Variants in ALYREF observed in about 807,000 individuals in gnomAD.
ALYREF encodes Aly/REF export factor.
ALYREF carries 1 observed loss-of-function variant against 25.2 expected under a neutral mutation model. The ratio of observed to expected loss-of-function variants is 0.04; its 90% CI spans 0.01 to 0.19. The LOEUF (loss-of-function observed/expected upper bound fraction) is 0.19, where lower values mean the gene tolerates loss of function less well. ALYREF is among the 10% of genes least tolerant of loss of function. The pLI is 1.00. For missense variants in ALYREF, 328 were observed against 375.6 expected (o/e 0.87, Z 1.05); for synonymous variants, 193 against 153.5 (o/e 1.26, Z -1.90).
chr17:81,891,465 G>A lies in ALYREF; in HGVS notation c.116C>T (p.Ala39Val), dbSNP rs951444306. The A allele has an allele frequency of 2.1e-5, 23 of 1,106,632 alleles. No homozygotes were observed. In the African/African-American group the frequency reaches 3.2e-4, roughly 16 times the overall value. The allele number at this position is 1,106,632 out of a possible 1,614,324, so 68.6% of individuals were successfully genotyped here. A position where few individuals can be genotyped will look rare whatever the true frequency, so the allele number is the denominator to read the frequency against. ...GRGGGRGRGR[A>V]GSQGGRGGGA... is the part of the protein sequence containing the mutation. ...ACCGCCGCGGCCGCCCTGGGAGCCG[G>A]CCCGGCCGCGGCCCCGGCCCCCGCC... Residue 39 changes from alanine to valine, a missense_variant, in exon 1 of 6, where the codon GCC becomes GTC. By Grantham distance (64) the Ala-to-Val change is moderately conservative (BLOSUM62 0). Around this residue, in one of 3 missense-constraint regions of ALYREF, gnomAD observed 150 missense variants for 135.3 expected, o/e 1.11. Transcript: ENST00000505490.
chr17:81,889,067 G>A, intron 3 of ALYREF, 115 bp downstream of exon 3: 1 of 1,489,278 alleles, frequency 6.7e-7, no homozygotes, highest in Non-Finnish European at 9.0e-7. Context: ...GAGAGACAAA[G>A]GGGCAAATGC....
chr17:81,891,310 C>T lies in ALYREF; in HGVS notation c.258+13G>A, dbSNP rs1266249916. ...CCCTCCCACTCTCCGGCGCGGCCGG[C>T]CTCCGCACTCACCCTGCTGTAGGGC... On this transcript the variant is annotated intron_variant, in intron 1 of 5. Coordinates refer to ENST00000505490, the MANE Select transcript of ALYREF (RefSeq NM_005782.4). The T allele has an allele frequency of 6.1e-6, 7 of 1,150,034 alleles. No individual in the cohort carries two copies. The highest frequency in any genetic ancestry group is 7.5e-6 in the Non-Finnish European group (7 of 937,724). 71.2% of individuals were successfully genotyped at this position (1,150,034 alleles called of 1,614,324 possible). A position where few individuals can be genotyped will look rare whatever the true frequency, so the allele number is the denominator to read the frequency against.
intron 1 of ALYREF, 38 bp downstream of exon 1, chr17:81,891,285 C>A: frequency 8.9e-7 from 1 of 1,118,760 alleles, no homozygotes; most frequent in South Asian, 3.9e-5. Context: ...CCGGCTGGCC[C>A]CCTCCCACTC....
Position 81,888,601 on chromosome 17 carries a change from A to G in ALYREF, c.539-18T>C, listed in dbSNP as rs2039462824. 6.3e-7 allele frequency: 1 copy of G among 1,581,978 alleles called. No individual in the cohort carries two copies. Among genetic ancestry groups the G allele is most frequent in the African/African-American group, 1.3e-5 (1 of 74,592 alleles). On this transcript the variant is annotated intron_variant, in intron 3 of 5. Transcript: ENST00000505490. This position sits in a 1 kb window ranked among gnomAD's most constrained non-coding sequence, Gnocchi z 5.8. ...GGGGCGGCCTGCGGCAAAGAATACG[A>G]GAAGGCACGTTCTATTGAGAGGCTC...
In ALYREF at chr17:81,888,268, A is replaced by G. The variant is rs768972249; in HGVS notation, c.753T>C (p.Asp251=). ...TCGCATTATAGGCGTCCAGCTGGGCATCCAGCTCCTCTGCCGAAAGCTGCT... is the reference window on the plus strand; with the variant it reads ...TCGCATTATAGGCGTCCAGCTGGGCGTCCAGCTCCTCTGCCGAAAGCTGCT... ...SKQQLSAEEL[D]AQLDAYNARM... is the part of the protein sequence containing the mutation. The change falls in exon 5 of 6, where the codon GAT becomes GAC. Residue 251 remains aspartate (D), a synonymous_variant. Transcript: ENST00000505490. The surrounding 1 kb of genome is among the most constrained non-coding windows in gnomAD (Gnocchi z 5.8). The G allele has an allele frequency of 1.4e-5, 22 of 1,610,344 alleles. 1 individual carries two copies. In the Admixed American group the frequency reaches 1.5e-4, roughly 11 times the overall value.
At chr17:81,891,285 C>T in intron 1 of ALYREF, 38 bp downstream of exon 1, 3 of 1,118,762 alleles carry the variant, frequency 2.7e-6, no homozygotes, top group Non-Finnish European at 3.3e-6. Context: ...CCGGCTGGCC[C>T]CCTCCCACTC....
In ALYREF at chr17:81,888,609, C is replaced by T. The variant is rs373472094; in HGVS notation, c.539-26G>A. 19 of 1,575,472 alleles carry T rather than the reference C, an allele frequency of 1.2e-5. No homozygotes were observed. The highest frequency in any genetic ancestry group is 2.3e-5 in the South Asian group (2 of 86,548). On this transcript the variant is annotated intron_variant, in intron 3 of 5. Coordinates refer to ENST00000505490, the MANE Select transcript of ALYREF (RefSeq NM_005782.4). The surrounding 1 kb of genome is among the most constrained non-coding windows in gnomAD (Gnocchi z 5.8). ...CTGCGGCAAAGAATACGAGAAGGCACGTTCTATTGAGAGGCTCTGAAACCC... is the reference window on the plus strand; with the variant it reads ...CTGCGGCAAAGAATACGAGAAGGCATGTTCTATTGAGAGGCTCTGAAACCC...
At position 81,891,328 on chromosome 17, in the gene ALYREF, T is replaced by C; in HGVS notation, c.253A>G (p.Ser85Gly). The change falls in exon 1 of 6, where the codon AGC (serine) becomes GGC (glycine). Residue 85 changes from serine to glycine, a missense_variant. This residue lies in a region of ALYREF where 150 missense variants were observed against 135.3 expected (regional missense o/e 1.11). Coordinates refer to ENST00000505490, the MANE Select transcript of ALYREF (RefSeq NM_005782.4). The part of the protein sequence containing the change: ...GGGRNRPAPY[S>G]RPKQLPDKWQ... ...CGGCCGGCCTCCGCACTCACCCTGC[T>C]GTAGGGCGCCGGTCGGTTCCTGCCG... 1 of 1,155,636 alleles carries C rather than the reference T, an allele frequency of 8.7e-7. No homozygotes were observed. The allele number at this position is 1,155,636 out of a possible 1,614,324, so 71.6% of individuals were successfully genotyped here.
At chr17:81,890,883 C>G in intron 1 of ALYREF, 63 bp from the exon 2 acceptor site, 4 of 1,609,410 alleles carry the variant, frequency 2.5e-6, no homozygotes, top group Non-Finnish European at 3.4e-6. Context: ...TCCTGACCCT[C>G]ACGGCTACTC....
chr17:81,889,204 C>T lies in ALYREF; in HGVS notation c.516G>A (p.Gln172=), dbSNP rs375299819. The T allele has an allele frequency of 3.1e-6, 5 of 1,614,122 alleles. No individual in the cohort carries two copies. In the African/African-American group the frequency reaches 5.3e-5, roughly 17 times the overall value. ...RKADALKAMK[Q]YNGVPLDGRP... is the part of the protein sequence containing the mutation. ...CACCATCCAGAGGGACGCCGTTGTA[C>T]TGCTTCATGGCCTTCAGGGCATCTG... Residue 172 remains glutamine, a synonymous_variant, in exon 3 of 6, where the codon CAG becomes CAA. Coordinates refer to ENST00000505490, the MANE Select transcript of ALYREF (RefSeq NM_005782.4).
At chr17:81,891,130 G>C (rs1212830199) in intron 1 of ALYREF, 193 bp downstream of exon 1, 3 of 609,684 alleles carry the variant, frequency 4.9e-6, no homozygotes, top group Admixed American at 4.0e-5. Context: ...CAGCCTCCGG[G>C]ACCGGACCCC....
At chr17:81,890,284 C>T (rs2039493071) in intron 2 of ALYREF, among the ~76,000 whole-genome samples, 1 of 152,170 alleles carries the variant, frequency 6.6e-6, no homozygotes, top group Non-Finnish European at 1.5e-5. Context: ...GCCAGAAAAA[C>T]AGACTCCCTG....
intron 1 of ALYREF, 195 bp from the exon 2 acceptor site, chr17:81,891,015 G>T (rs2039513184): frequency 2.4e-6 from 2 of 837,098 alleles, no homozygotes; most frequent in African/African-American, 1.7e-5. Flanking sequence ...CACAACTTCA[G>T]TTCCCTTAGA....
chr17:81,888,947 G>A lies in ALYREF; in HGVS notation c.538+235C>T, dbSNP rs1006644382. The A allele has an allele frequency of 7.1e-7, 1 of 1,415,048 alleles. No homozygotes were observed. The highest frequency in any genetic ancestry group is 9.2e-7 in the Non-Finnish European group (1 of 1,086,930). 87.7% of individuals were successfully genotyped at this position (1,415,048 alleles called of 1,614,324 possible). A position where few individuals can be genotyped will look rare whatever the true frequency, so the allele number is the denominator to read the frequency against. On this transcript the variant is annotated intron_variant, in intron 3 of 5. Transcript: ENST00000505490. The surrounding 1 kb of genome is among the most constrained non-coding windows in gnomAD (Gnocchi z 5.8). ...GGTTCTGAGAAGGCTTCACAGAAGT[G>A]AATCTTCCGGAAGGAGCTGAAGGAG... is the stretch of plus-strand genomic sequence containing the variant.
chr17:81,888,749 G>A lies in ALYREF; in HGVS notation c.539-166C>T, dbSNP rs1214992568. The A allele has an allele frequency of 1.4e-6, 2 of 1,455,828 alleles. No individual in the cohort carries two copies. Among genetic ancestry groups the A allele is most frequent in the African/African-American group, 2.8e-5 (2 of 70,524 alleles). The allele number at this position is 1,455,828 out of a possible 1,614,324, so 90.2% of individuals were successfully genotyped here. On this transcript the variant is annotated intron_variant, in intron 3 of 5. Transcript: ENST00000505490. The surrounding 1 kb of genome is among the most constrained non-coding windows in gnomAD (Gnocchi z 5.8). The stretch of plus-strand genomic sequence containing the variant: ...GAGATACTGGTGGGAGAACAAAATG[G>A]CAAGGAAGCAACCCCACCAACACCT...
At chr17:81,889,460 G>T in intron 2 of ALYREF, 131 bp from the exon 3 acceptor site, 1 of 1,049,190 alleles carries the variant, frequency 9.5e-7, no homozygotes, top group Non-Finnish European at 1.4e-6. Context: ...TGGTTAACGG[G>T]AAATGAGGGA....
In ALYREF at chr17:81,891,342, C is replaced by A; in HGVS notation, c.239G>T (p.Arg80Leu). 1 of 1,153,474 alleles carries A rather than the reference C, an allele frequency of 8.7e-7. No individual in the cohort carries two copies. The allele number at this position is 1,153,474 out of a possible 1,614,324, so 71.5% of individuals were successfully genotyped here. The change falls in exon 1 of 6, where the codon CGA becomes CTA. Residue 80 changes from arginine (R) to leucine (L), a missense_variant. Transcript: ENST00000505490. ...RGAAGGGGRN[R>L]PAPYSRPKQL... The stretch of plus-strand genomic sequence containing the variant: ...ACTCACCCTGCTGTAGGGCGCCGGT[C>A]GGTTCCTGCCGCCTCCGCCGGCCGC...
At chr17:81,889,045 G>A in intron 3 of ALYREF, 137 bp downstream of exon 3, 3 of 1,464,584 alleles carry the variant, frequency 2.0e-6, no homozygotes, top group Non-Finnish European at 2.7e-6. Context: ...ATGAGAGGTG[G>A]CAGATGGAAG....
chr17:81,890,844 G>A (rs770114900), intron 1 of ALYREF, 24 bp from the exon 2 acceptor site: 9 of 1,613,912 alleles, frequency 5.6e-6, no homozygotes, highest in Admixed American at 5.0e-5. Flanking sequence ...CGCAACAAGA[G>A]CAGATCTGTG....
Sources: gnomAD v4.1 joint callset for allele counts (sites outside exome capture counted in the v4.1 genomes callset) on GRCh38, gnomAD v4.1.1 for gene constraint, gnomAD v4.1.1 regional missense constraint, Gnocchi (gnomAD v3.1) non-coding constraint, MANE v1.5 for transcripts, NCBI Gene and HGNC (gene_info 2026-07-23, HGNC 2026-07-21) for gene names.